Variants in PCSK6 observed in about 807,000 individuals in gnomAD.
PCSK6 encodes the protein paired basic amino acid cleaving enzyme 4.
Under a neutral mutation model 123.3 loss-of-function variants are expected in PCSK6, and 85 were observed. That is an observed-to-expected ratio of 0.69 (90% CI 0.58 to 0.83). The LOEUF (loss-of-function observed/expected upper bound fraction) is 0.83. Ranked by LOEUF, PCSK6 falls within the 40% of genes least tolerant of loss-of-function variation. The pLI, the probability that PCSK6 is intolerant of heterozygous loss-of-function variation, is 0.00. For synonymous variants in PCSK6, 508 were observed against 516.0 expected (o/e 0.98, Z 0.21); for missense variants, 1,191 against 1,282.3 (o/e 0.93, Z 1.09).
intron 20 of PCSK6, chr15:101,307,631 C>A (rs950384554): frequency 3.1e-6 from 1 of 319,354 alleles, no homozygotes; most frequent in Admixed American, 4.3e-5. Context: ...CCCTCCTGGG[C>A]CCTGGCACCC....
At chr15:101,326,553 G>T in intron 15 of PCSK6, 74 bp from the exon 16 acceptor site, 1 of 1,379,062 alleles carries the variant, frequency 7.3e-7, no homozygotes. Flanking sequence ...GGATCCCTGT[G>T]TCAGGATATC....
At chr15:101,389,815 GATA>G (rs1459365359) in intron 8 of PCSK6, among the ~76,000 whole-genome samples, 1 of 152,194 alleles carries the variant, frequency 6.6e-6, no homozygotes, top group Admixed American at 6.5e-5. Context: ...CGTACGCTTT[GATA>G]ATAATAGATC....
At chr15:101,397,430 C>T (rs568786370) in intron 7 of PCSK6, among the ~76,000 whole-genome samples, 6 of 152,218 alleles carry the variant, frequency 3.9e-5, no homozygotes, top group East Asian at 1.9e-4. Context: ...GGTTATAATA[C>T]GATGAGAACT....
At chr15:101,437,452 T>C (rs2056633520) in intron 2 of PCSK6, among the ~76,000 whole-genome samples, 1 of 140,100 alleles carries the variant, frequency 7.1e-6, no homozygotes, top group African/African-American at 2.9e-5. Context: ...TAAAGGACAT[T>C]CTAACTCAGC....
intron 11 of PCSK6, among the ~76,000 whole-genome samples, chr15:101,381,683 G>A (rs1353922899): frequency 1.3e-5 from 2 of 152,214 alleles, no homozygotes; most frequent in African/African-American, 4.8e-5. Context: ...AGGCTGGGCT[G>A]GGGCTACAGC....
intron 6 of PCSK6, among the ~76,000 whole-genome samples, chr15:101,405,828 C>T (rs1478627427): frequency 2.0e-5 from 3 of 152,152 alleles, no homozygotes; most frequent in East Asian, 3.9e-4. Flanking sequence ...ACTGCAACCT[C>T]GCCTCCCAGG....
rs368009496 is a variant in PCSK6 at position 101,382,671 on chromosome 15, C to T, written c.1415-462G>A. Reference sequence around the variant, plus strand: ...ACTCATCTTTTTTGCCATTTTCTTTCCCTGCTGAGTTCCCAGAGCATTCCG... The same window carrying T: ...ACTCATCTTTTTTGCCATTTTCTTTTCCTGCTGAGTTCCCAGAGCATTCCG... On this transcript the variant is annotated intron_variant, in intron 10 of 21. Transcript: ENST00000611716. 1.5e-3 allele frequency among the ~76,000 whole-genome samples: 232 copies of T among 152,294 alleles called. 1 individual carries two copies. Among genetic ancestry groups the T allele is most frequent in the African/African-American group, 4.9e-3 (205 of 41,548 alleles).
chr15:101,314,338 A>C (rs2039938083), intron 19 of PCSK6, among the ~76,000 whole-genome samples: 1 of 152,138 alleles, frequency 6.6e-6, no homozygotes, highest in Non-Finnish European at 1.5e-5. Flanking sequence ...AGGTGTCTCC[A>C]GGGAGCAACT....
rs771720823 is a variant in PCSK6 at position 101,305,362 on chromosome 15, C to G, written c.2813-7G>C. ...TCGCAGAATGTCTCGTCAGCTGGGG[C>G]CCCGCATCAGGAAAGGCAAAAGAGG... is the stretch of plus-strand genomic sequence containing the variant. On this transcript the variant is annotated splice_polypyrimidine_tract_variant and splice_region_variant and intron_variant, in intron 21 of 21. Transcript: ENST00000611716. This position sits in a 1 kb window ranked among gnomAD's most constrained non-coding sequence, Gnocchi z 4.8. 6.2e-7 allele frequency: 1 copy of G among 1,610,134 alleles called. No individual in the cohort carries two copies. The highest frequency in any genetic ancestry group is 8.5e-7 in the Non-Finnish European group (1 of 1,179,122).
At chr15:101,396,374 G>A (rs980838284) in intron 7 of PCSK6, among the ~76,000 whole-genome samples, 7 of 152,018 alleles carry the variant, frequency 4.6e-5, no homozygotes, top group South Asian at 2.1e-4. Context: ...AAACAACCAG[G>A]ACCCCTCCTG....
intron 20 of PCSK6, among the ~76,000 whole-genome samples, chr15:101,311,521 A>C (rs1352815837): frequency 6.6e-6 from 1 of 152,040 alleles, no homozygotes. Context: ...TGCTGGCGCC[A>C]TGTTTCCTAT....
chr15:101,326,411 C>G lies in PCSK6; in HGVS notation c.2146G>C (p.Val716Leu). Residue 716 changes from valine (V) to leucine (L), a missense_variant, in exon 16 of 22, where the codon GTC (valine) becomes CTC (leucine). Physicochemically the swap from Val to Leu is conservative, Grantham distance 32. Coordinates refer to ENST00000611716, the MANE Select transcript of PCSK6 (RefSeq NM_002570.5). ...TTGACACTCCCCAGGCTGAAGTGGA[C>G]GCAGTTCAAGCACTGGTCTGCATTG... is the stretch of plus-strand genomic sequence containing the variant. ...GPNADQCLNC[V>L]HFSLGSVKTS... is the part of the protein sequence containing the mutation. The G allele has an allele frequency of 6.3e-7, 1 of 1,582,650 alleles. No homozygotes were observed. Among genetic ancestry groups the G allele is most frequent in the Non-Finnish European group, 8.6e-7 (1 of 1,164,148 alleles).
intron 18 of PCSK6, 56 bp downstream of exon 18, chr15:101,322,464 C>T (rs1016537989): frequency 1.8e-5 from 22 of 1,238,942 alleles, no homozygotes; most frequent in Non-Finnish European, 2.6e-5. Context: ...AAATCCATAA[C>T]ACACTCCAAG....
intron 7 of PCSK6, among the ~76,000 whole-genome samples, chr15:101,395,172 G>A (rs532327458): frequency 2.1e-4 from 32 of 152,320 alleles, no homozygotes; most frequent in Admixed American, 5.9e-4. Flanking sequence ...CTTATAAAAT[G>A]TTGTCCTTTT....
At chr15:101,355,328 G>A (rs1404101905) in intron 13 of PCSK6, among the ~76,000 whole-genome samples, 1 of 152,232 alleles carries the variant, frequency 6.6e-6, no homozygotes, top group Non-Finnish European at 1.5e-5. Flanking sequence ...CAATTATAGA[G>A]AGAAGATTGG....
intron 2 of PCSK6, among the ~76,000 whole-genome samples, chr15:101,442,185 G>A (rs997093267): frequency 1.3e-5 from 2 of 152,186 alleles, no homozygotes; most frequent in Admixed American, 1.3e-4. Context: ...GTGATGGGGT[G>A]AGACGGTGCA....
At chr15:101,421,512 T>C (rs994617364) in intron 6 of PCSK6, among the ~76,000 whole-genome samples, 4 of 152,194 alleles carry the variant, frequency 2.6e-5, no homozygotes, top group Non-Finnish European at 5.9e-5. Context: ...ATAAAAGACA[T>C]TGCTGGTTTG....
intron 19 of PCSK6, chr15:101,316,240 T>C (rs1210789887): frequency 6.6e-6 from 1 of 152,182 alleles, no homozygotes; most frequent in African/African-American, 2.4e-5. Context: ...ATGTACACGT[T>C]CCCAGGAGCT....
chr15:101,308,195 GT>G (rs1156841730), intron 20 of PCSK6: 2 of 152,332 alleles, frequency 1.3e-5, no homozygotes, highest in African/African-American at 2.4e-5. Context: ...GCTGCTGCCT[GT>G]CCTGAGTCCA....
Sources: gnomAD v4.1 joint callset for allele counts (sites outside exome capture counted in the v4.1 genomes callset) on GRCh38, gnomAD v4.1.1 for gene constraint, Gnocchi (gnomAD v3.1) non-coding constraint, MANE v1.5 for transcripts, NCBI Gene and HGNC (gene_info 2026-07-23, HGNC 2026-07-21) for gene names.